The following ECPAS variants were observed in gnomAD, a reference collection of about 807,000 sequenced individuals.
ECPAS encodes proteasome adapter and scaffold protein ECM29.
Under a neutral mutation model 255.1 loss-of-function variants are expected in ECPAS, and 70 were observed. The observed-to-expected ratio is 0.27, with a 90% confidence interval of 0.23 to 0.33. ECPAS has a LOEUF of 0.33. ECPAS is among the 10% of genes least tolerant of loss of function. The pLI is 1.00. For missense variants in ECPAS, 1,817 were observed against 2,206.4 expected (o/e 0.82, Z 3.54); for synonymous variants, 784 against 775.0 (o/e 1.01, Z -0.19).
intron 2 of ECPAS, among the ~76,000 whole-genome samples, chr9:111,463,094 A>G (rs1292893635): frequency 6.6e-6 from 1 of 152,144 alleles, no homozygotes; most frequent in Non-Finnish European, 1.5e-5. Flanking sequence ...ATAACCCCCA[A>G]ATTTCCATGG....
intron 2 of ECPAS, among the ~76,000 whole-genome samples, chr9:111,469,883 A>T (rs2098284790): frequency 6.6e-6 from 1 of 152,106 alleles, no homozygotes; most frequent in South Asian, 2.1e-4. Flanking sequence ...GTAAAGAGTT[A>T]CCCCCATCCC....
chr9:111,374,558 T>TTA (rs2098131207), intron 38 of ECPAS, among the ~76,000 whole-genome samples: 3 of 152,208 alleles, frequency 2.0e-5, no homozygotes, highest in African/African-American at 7.2e-5. Context: ...TTAACAGCAG[T>TTA]TATCTCTGTA....
intron 1 of ECPAS, among the ~76,000 whole-genome samples, chr9:111,476,317 T>C (rs1035314446): frequency 2.6e-5 from 4 of 152,210 alleles, no homozygotes; most frequent in Non-Finnish European, 5.9e-5. Context: ...TCCTGAAATA[T>C]TAACTATAAT....
chr9:111,439,365 C>T (rs1168136515), intron 6 of ECPAS, among the ~76,000 whole-genome samples: 1 of 152,052 alleles, frequency 6.6e-6, no homozygotes, highest in Non-Finnish European at 1.5e-5. Flanking sequence ...ACCTCCCAGG[C>T]TCAATCAATA....
At chr9:111,375,502 A>G (rs2098132382) in intron 37 of ECPAS, among the ~76,000 whole-genome samples, 1 of 152,204 alleles carries the variant, frequency 6.6e-6, no homozygotes, top group African/African-American at 2.4e-5. Flanking sequence ...CTTCCTCTTT[A>G]TCAATCCATG....
chr9:111,373,981 G>A lies in ECPAS; in HGVS notation c.4168C>T (p.Pro1390Ser). 6.2e-7 allele frequency: 1 copy of A among 1,612,116 alleles called. No homozygotes were observed. The highest frequency in any genetic ancestry group is 1.1e-5 in the South Asian group (1 of 91,040). ...CCCTTGACAAACTCACCTGAGTAAG[G>A]TGTTAGGTCCTGAGGACACTGAGTA... ...LTTQCPQDLT[P>S]YSGKLMSALL... Residue 1390 changes from proline to serine, a missense_variant, in exon 39 of 50, where the codon CCT becomes TCT. Physicochemically the swap from Pro to Ser is moderately conservative, Grantham distance 74 (BLOSUM62 -1). This residue lies in a region of ECPAS where 960 missense variants were observed against 1,179.0 expected (regional missense o/e 0.81). Transcript: ENST00000684092.
chr9:111,476,433 A>G (rs772019045), intron 1 of ECPAS, among the ~76,000 whole-genome samples: 2 of 152,226 alleles, frequency 1.3e-5, no homozygotes, highest in South Asian at 2.1e-4. Flanking sequence ...CACTCTAAGC[A>G]TAAGGAAAGA....
intron 21 of ECPAS, chr9:111,411,702 C>G (rs1409204742): frequency 4.4e-6 from 1 of 226,248 alleles, no homozygotes; most frequent in Admixed American, 5.5e-5. Flanking sequence ...TTTCCAAGAT[C>G]AGATGAGATT....
chr9:111,397,973 G>A (rs1299850578), intron 24 of ECPAS, among the ~76,000 whole-genome samples: 1 of 152,186 alleles, frequency 6.6e-6, no homozygotes, highest in East Asian at 1.9e-4. Context: ...TGATTCACTA[G>A]TAGGAGTCAC....
At chr9:111,385,977 C>G (rs1044122716) in intron 32 of ECPAS, among the ~76,000 whole-genome samples, 2 of 152,194 alleles carry the variant, frequency 1.3e-5, no homozygotes, top group Admixed American at 1.3e-4. Context: ...TGTTTTGAGA[C>G]AGAGTCTCAT....
chr9:111,473,827 G>T (rs1469385668), intron 1 of ECPAS, among the ~76,000 whole-genome samples: 2 of 151,974 alleles, frequency 1.3e-5, no homozygotes, highest in African/African-American at 4.8e-5. Flanking sequence ...ATTAGCCAGG[G>T]ATGGTGGTAC....
intron 1 of ECPAS, among the ~76,000 whole-genome samples, chr9:111,477,766 T>C (rs2132116254): frequency 6.6e-6 from 1 of 152,256 alleles, no homozygotes; most frequent in South Asian, 2.1e-4. Context: ...GAACACACGG[T>C]AAACACACAA....
intron 39 of ECPAS, among the ~76,000 whole-genome samples, 174 bp from the exon 40 acceptor site, chr9:111,373,580 G>A (rs568924561): frequency 1.3e-5 from 2 of 152,134 alleles, no homozygotes; most frequent in African/African-American, 4.8e-5. Flanking sequence ...ATGATATAAA[G>A]TTAAAATTAA....
chr9:111,482,689 G>A (rs994837197), intron 1 of ECPAS, among the ~76,000 whole-genome samples: 15 of 152,106 alleles, frequency 9.9e-5, no homozygotes, highest in Non-Finnish European at 2.2e-4. Context: ...CCTTGGGGGG[G>A]AGAACACTCA....
chr9:111,483,445 C>CCCGGCACCGCGCGGCGCCCGTT (rs1190323545), intron 1 of ECPAS: 2 of 927,234 alleles, frequency 2.2e-6, no homozygotes, highest in South Asian at 5.0e-5. Flanking sequence ...GCCGCCGGCC[C>CCCGGCACCGCGCGGCGCCCGTT]CCGGCACCGC....
chr9:111,372,659 T>A, intron 41 of ECPAS, 39 bp from the exon 42 acceptor site: 1 of 1,492,336 alleles, frequency 6.7e-7, no homozygotes, highest in Non-Finnish European at 9.1e-7. Context: ...ATATTTATTG[T>A]TTTTAAGGGT....
intron 18 of ECPAS, among the ~76,000 whole-genome samples, chr9:111,414,933 C>A (rs1246615232): frequency 6.6e-6 from 1 of 152,060 alleles, no homozygotes; most frequent in Admixed American, 6.6e-5. Context: ...AACGCAGGAA[C>A]AGAAAATCAA....
chr9:111,431,424 G>A (rs541007450), intron 8 of ECPAS, among the ~76,000 whole-genome samples: 2 of 152,190 alleles, frequency 1.3e-5, no homozygotes, highest in South Asian at 4.2e-4. Flanking sequence ...CGGGCACGGT[G>A]GTGTGCACCT....
At chr9:111,483,209 A>G (rs1482252756) in intron 1 of ECPAS, among the ~76,000 whole-genome samples, 2 of 151,820 alleles carry the variant, frequency 1.3e-5, no homozygotes, top group Non-Finnish European at 2.9e-5. Context: ...CTCAGTGGGC[A>G]GGGGGCTGGG....
Sources: gnomAD v4.1 joint callset for allele counts (sites outside exome capture counted in the v4.1 genomes callset) on GRCh38, gnomAD v4.1.1 for gene constraint, gnomAD v4.1.1 regional missense constraint, MANE v1.5 for transcripts, NCBI Gene and HGNC (gene_info 2026-07-23, HGNC 2026-07-21) for gene names.